The following SLC35B3 variants were observed in gnomAD, a reference collection of about 807,000 sequenced individuals.
The protein encoded by SLC35B3 is adenosine 3'-phospho 5'-phosphosulfate transporter 2.
SLC35B3 carries 35 observed loss-of-function variants against 44.1 expected under a neutral mutation model. The ratio of observed to expected loss-of-function variants is 0.79; its 90% CI spans 0.61 to 1.05. The LOEUF (loss-of-function observed/expected upper bound fraction) is 1.05, where lower values mean the gene tolerates loss of function less well. SLC35B3 is among the 50% of genes least tolerant of loss of function. SLC35B3 has a pLI of 0.00. For missense variants in SLC35B3, 414 were observed against 476.4 expected, an observed-to-expected ratio of 0.87 and a Z score of 1.22; for synonymous variants, 146 against 167.3, an observed-to-expected ratio of 0.87 and a Z score of 0.98.
rs142527970 is a variant in SLC35B3 at position 8,432,410 on chromosome 6, C to T, written c.3+1975G>A. Among the ~76,000 whole-genome samples the T allele has an allele frequency of 2.4e-4, 37 of 152,184 alleles. No homozygotes were observed. In the East Asian group the frequency reaches 5.2e-3, roughly 22 times the overall value. ...ATCAAAACATTTCTCCAGAAGGTCA[C>T]GCTTTCCCAAAGTCACCTTCTTCTG... On this transcript the variant is annotated intron_variant, in intron 2 of 10. Transcript: ENST00000644923. The surrounding 1 kb of genome is among the most constrained non-coding windows in gnomAD (Gnocchi z 4.8).
Position 8,435,317 on chromosome 6 carries a change from A to T in SLC35B3, c.-44+26T>A, listed in dbSNP as rs1318274324. 1 of 1,289,322 alleles carries T rather than the reference A, an allele frequency of 7.8e-7. No individual in the cohort carries two copies. Among genetic ancestry groups the T allele is most frequent in the East Asian group, 5.6e-5 (1 of 18,000 alleles). The allele number at this position is 1,289,322 out of a possible 1,614,324, so 79.9% of individuals were successfully genotyped here. A position where few individuals can be genotyped will look rare whatever the true frequency, so the allele number is the denominator to read the frequency against. On this transcript the variant is annotated intron_variant, in intron 1 of 10. Coordinates refer to ENST00000644923, the MANE Select transcript of SLC35B3 (RefSeq NM_001370476.2). This position sits in a 1 kb window ranked among gnomAD's most constrained non-coding sequence, Gnocchi z 5.5. ...GAGAGGAGATCTGGGTCCCAAACAC[A>T]GGAAAGGCCCCGAAGGCACGCGTAC...
intron 4 of SLC35B3, among the ~76,000 whole-genome samples, chr6:8,426,150 C>G (rs1763389388): frequency 6.6e-6 from 1 of 152,208 alleles, no homozygotes; most frequent in East Asian, 1.9e-4. Context: ...TAGATACAGA[C>G]TTGGTATCCC....
At chr6:8,428,515 T>C (rs1763655342) in intron 3 of SLC35B3, among the ~76,000 whole-genome samples, 1 of 152,210 alleles carries the variant, frequency 6.6e-6, no homozygotes, top group Non-Finnish European at 1.5e-5. Flanking sequence ...TATTTTGATA[T>C]GTAATTATAA....
In SLC35B3 at chr6:8,435,224, C is replaced by T. The variant is rs1764375473; in HGVS notation, c.-44+119G>A. 7.8e-7 allele frequency: 1 copy of T among 1,289,184 alleles called. No homozygotes were observed. The highest frequency in any genetic ancestry group is 1.5e-5 in the African/African-American group (1 of 65,844). The allele number at this position is 1,289,184 out of a possible 1,614,324, so 79.9% of individuals were successfully genotyped here. A position where few individuals can be genotyped will look rare whatever the true frequency, so the allele number is the denominator to read the frequency against. ...AGGGAATCACCCGTTTCTTCCATCC[C>T]GACCTCATCCATTCCTCGAACGCTC... On this transcript the variant is annotated intron_variant, in intron 1 of 10. Transcript: ENST00000644923. The surrounding 1 kb of genome is among the most constrained non-coding windows in gnomAD (Gnocchi z 5.5).
chr6:8,433,312 C>CA lies in SLC35B3; in HGVS notation c.3+1072dup. 6.6e-6 allele frequency among the ~76,000 whole-genome samples: 1 copy of CA among 152,100 alleles called. No homozygotes were observed. The highest frequency in any genetic ancestry group is 1.9e-4 in the East Asian group (1 of 5,184). On this transcript the variant is annotated intron_variant, in intron 2 of 10. Coordinates refer to ENST00000644923, the MANE Select transcript of SLC35B3 (RefSeq NM_001370476.2). This position sits in a 1 kb window ranked among gnomAD's most constrained non-coding sequence, Gnocchi z 4.1. ...TAAAAACGAGTTGATGTCCTGGACT[C>CA]AATCATATTATACATATTTTTCAAA... is the stretch of plus-strand genomic sequence containing the variant.
intron 3 of SLC35B3, 125 bp downstream of exon 2, chr6:8,429,739 A>C: frequency 1.5e-6 from 1 of 684,320 alleles, no homozygotes; most frequent in African/African-American, 1.8e-5. Context: ...TCTATACTAA[A>C]AAATTCAAAT....
intron 4 of SLC35B3, among the ~76,000 whole-genome samples, chr6:8,425,057 C>T (rs752293427): frequency 1.1e-4 from 16 of 152,090 alleles, no homozygotes; most frequent in Admixed American, 7.2e-4. Context: ...ATTATTCTCC[C>T]AAATTATTTC....
chr6:8,426,593 T>G (rs370383899), intron 4 of SLC35B3, among the ~76,000 whole-genome samples: 13 of 152,358 alleles, frequency 8.5e-5, no homozygotes, highest in African/African-American at 1.2e-4. Context: ...GCCATGATTC[T>G]GAGGCCTCCC....
At chr6:8,424,306 G>A (rs1763212556) in intron 4 of SLC35B3, among the ~76,000 whole-genome samples, 1 of 152,186 alleles carries the variant, frequency 6.6e-6, no homozygotes, top group East Asian at 1.9e-4. Flanking sequence ...AGGCTGGAGT[G>A]CAGTGGCGCC....
At chr6:8,414,027 A>G (rs1371869483) in intron 10 of SLC35B3, among the ~76,000 whole-genome samples, 1 of 152,146 alleles carries the variant, frequency 6.6e-6, no homozygotes, top group African/African-American at 2.4e-5. Context: ...AGCTTTGGAC[A>G]TGTATATCTA....
At chr6:8,431,124 A>C (rs1225134121) in intron 2 of SLC35B3, among the ~76,000 whole-genome samples, 1 of 152,204 alleles carries the variant, frequency 6.6e-6, no homozygotes, top group Non-Finnish European at 1.5e-5. Context: ...AAAATTATGA[A>C]GCCATCAATT....
rs1764259710 is a variant in SLC35B3, at chr6:8,434,168, TTAAAAA to T, written c.3+211_3+216del. ...AGCATTTCCGGCATACAATGTATAT[TTAAAAA>T]TTAAAATTAGTGATAATGTTGAGTT... is the stretch of plus-strand genomic sequence containing the variant. On this transcript the variant is annotated intron_variant, in intron 2 of 10. Transcript: ENST00000644923. The surrounding 1 kb of genome is among the most constrained non-coding windows in gnomAD (Gnocchi z 6.3). Among the ~76,000 whole-genome samples, 2 of 152,008 alleles carry T rather than the reference TTAAAAA, an allele frequency of 1.3e-5. No individual in the cohort carries two copies. Among genetic ancestry groups the T allele is most frequent in the Admixed American group, 1.3e-4 (2 of 15,248 alleles).
intron 5 of SLC35B3, among the ~76,000 whole-genome samples, chr6:8,421,841 C>G (rs1319373899): frequency 2.0e-5 from 3 of 152,136 alleles, no homozygotes; most frequent in African/African-American, 7.2e-5. Context: ...AAAAAAGGGA[C>G]CTTTCCACGT....
Position 8,430,033 on chromosome 6 carries a change from T to G in SLC35B3, c.128A>C (p.Tyr43Ser), listed in dbSNP as rs1357661654. 2.5e-6 allele frequency: 4 copies of G among 1,614,066 alleles called. No homozygotes were observed. In the East Asian group the frequency reaches 8.9e-5, roughly 36 times the overall value. Reference sequence around the variant, plus strand: ...TTTGGATGGCACAGTGATAGAAATATATTTCCTGGAATTGTTGAACTTGAG... The same window carrying G: ...TTTGGATGGCACAGTGATAGAAATAGATTTCCTGGAATTGTTGAACTTGAG... The change falls in exon 3 of 11, where the codon TAT (tyrosine) becomes TCT (serine). Residue 43 changes from tyrosine to serine, a missense_variant. By Grantham distance (144) the Tyr-to-Ser change is moderately radical (BLOSUM62 -2). Coordinates refer to ENST00000644923, the MANE Select transcript of SLC35B3 (RefSeq NM_001370476.2).
Position 8,435,147 on chromosome 6 carries a change from A to T in SLC35B3, c.-44+196T>A. Reference sequence around the variant, plus strand: ...CGAGGGCGAAAAACGGGCGAGGAGGAACAGATGCTCCTCCCTGGAAACCGC... The same window carrying T: ...CGAGGGCGAAAAACGGGCGAGGAGGTACAGATGCTCCTCCCTGGAAACCGC... On this transcript the variant is annotated intron_variant, in intron 1 of 10. Coordinates refer to ENST00000644923, the MANE Select transcript of SLC35B3 (RefSeq NM_001370476.2). The surrounding 1 kb of genome is among the most constrained non-coding windows in gnomAD (Gnocchi z 5.5). 7.8e-7 allele frequency: 1 copy of T among 1,282,024 alleles called. No homozygotes were observed. 79.4% of individuals were successfully genotyped at this position (1,282,024 alleles called of 1,614,324 possible).
chr6:8,414,553 A>G (rs766883171), intron 10 of SLC35B3, among the ~76,000 whole-genome samples: 3 of 152,194 alleles, frequency 2.0e-5, no homozygotes, highest in Non-Finnish European at 4.4e-5. Flanking sequence ...AGTAGGGCAA[A>G]GGGGAATCCC....
intron 4 of SLC35B3, among the ~76,000 whole-genome samples, chr6:8,424,006 C>T (rs538945724): frequency 4.6e-5 from 7 of 152,196 alleles, no homozygotes; most frequent in Non-Finnish European, 7.4e-5. Flanking sequence ...AATAAAAATT[C>T]AAGTCAGAAG....
Position 8,412,357 on chromosome 6 carries a change from T to C in SLC35B3, c.*1192A>G, listed in dbSNP as rs571531814. On this transcript the variant is annotated 3_prime_UTR_variant, in exon 11 of 11. Coordinates refer to ENST00000644923, the MANE Select transcript of SLC35B3 (RefSeq NM_001370476.2). The stretch of plus-strand genomic sequence containing the variant: ...ACTTGTGTTTCTTAAATTTATCCTA[T>C]TTTGTCCTCAAACTTCCAAATTAAA... 2.6e-5 allele frequency among the ~76,000 whole-genome samples: 4 copies of C among 152,332 alleles called. No homozygotes were observed. The highest frequency in any genetic ancestry group is 7.2e-5 in the African/African-American group (3 of 41,570).
At position 8,432,292 on chromosome 6, in the gene SLC35B3, G is replaced by A. The variant is rs1246331692; in HGVS notation, c.3+2093C>T. Among the ~76,000 whole-genome samples the A allele has an allele frequency of 1.3e-5, 2 of 151,418 alleles. No homozygotes were observed. Among genetic ancestry groups the A allele is most frequent in the African/African-American group, 4.9e-5 (2 of 41,218 alleles). On this transcript the variant is annotated intron_variant, in intron 2 of 10. Transcript: ENST00000644923. The surrounding 1 kb of genome is among the most constrained non-coding windows in gnomAD (Gnocchi z 4.8). ...CTGAAAATCTTATAGAAAAAGAGTG[G>A]GGAAAATTTACAAATAATGCTTACA...
Sources: gnomAD v4.1 joint callset for allele counts (sites outside exome capture counted in the v4.1 genomes callset) on GRCh38, gnomAD v4.1.1 for gene constraint, Gnocchi (gnomAD v3.1) non-coding constraint, MANE v1.5 for transcripts, NCBI Gene and HGNC (gene_info 2026-07-23, HGNC 2026-07-21) for gene names.